STRN: variants seen among roughly 807,000 people sequenced by gnomAD.
STRN encodes striatin.
Under a neutral mutation model 96.3 loss-of-function variants are expected in STRN, and 53 were observed. The observed-to-expected ratio is 0.55, with a 90% CI of 0.44 to 0.69. The LOEUF is 0.69. STRN is among the 30% of genes least tolerant of loss of function. The pLI is 0.00. For synonymous variants in STRN, 428 were observed against 355.9 expected (o/e 1.20, Z -2.28); for missense variants, 987 against 963.9 (o/e 1.02, Z -0.32).
At chr2:36,948,338 G>A (rs997315893) in intron 1 of STRN, among the ~76,000 whole-genome samples, 2 of 151,890 alleles carry the variant, frequency 1.3e-5, no homozygotes, top group Non-Finnish European at 1.5e-5. Flanking sequence ...GACCTCAGGT[G>A]ATCCGCCCGC....
At chr2:36,904,305 C>T (rs1168558397) in intron 4 of STRN, among the ~76,000 whole-genome samples, 1 of 152,144 alleles carries the variant, frequency 6.6e-6, no homozygotes, top group African/African-American at 2.4e-5. Flanking sequence ...AAAGTAATAG[C>T]TGCTATACAT....
Position 36,847,724 on chromosome 2 carries a change from G to A in STRN, c.*1732C>T, listed in dbSNP as rs1399773633. 2 of 152,104 alleles carry A rather than the reference G, an allele frequency of 1.3e-5. No homozygotes were observed. Among genetic ancestry groups the A allele is most frequent in the Non-Finnish European group, 2.9e-5 (2 of 68,024 alleles). The allele number at this position is 152,104 out of a possible 1,614,324, so 9.4% of individuals were successfully genotyped here. ...GCCTGTATAATGCAGAATTCTAGAG[G>A]CAAACAGGCAGAAATTTTACAGAAA... On this transcript the variant is annotated 3_prime_UTR_variant, in exon 18 of 18. Transcript: ENST00000263918.
At chr2:36,904,725 G>A (rs1388643215) in intron 4 of STRN, among the ~76,000 whole-genome samples, 1 of 152,124 alleles carries the variant, frequency 6.6e-6, no homozygotes. Flanking sequence ...CTACCCGGGA[G>A]GCTGACGCAA....
intron 1 of STRN, among the ~76,000 whole-genome samples, chr2:36,961,058 A>T (rs1665017772): frequency 6.8e-6 from 1 of 146,432 alleles, no homozygotes. Context: ...CAACGCACCC[A>T]GCTAACTTTG....
At chr2:36,886,912 A>G (rs1179933671) in intron 7 of STRN, 86 bp from the exon 8 acceptor site, 10 of 1,025,774 alleles carry the variant, frequency 9.7e-6, no homozygotes, top group Non-Finnish European at 1.3e-5. Flanking sequence ...CGTAACAACC[A>G]CTTTCTTTAT....
chr2:36,966,415 C>T lies in STRN; in HGVS notation c.49G>A (p.Gly17Ser). 1 of 1,461,838 alleles carries T rather than the reference C, an allele frequency of 6.8e-7. No individual in the cohort carries two copies. Among genetic ancestry groups the T allele is most frequent in the Non-Finnish European group, 9.0e-7 (1 of 1,107,862 alleles). The allele number at this position is 1,461,838 out of a possible 1,614,324, so 90.6% of individuals were successfully genotyped here. A position where few individuals can be genotyped will look rare whatever the true frequency, so the allele number is the denominator to read the frequency against. The change falls in exon 1 of 18, where the codon GGC becomes AGC. Residue 17 changes from glycine (G) to serine (S), a missense_variant. Gly to Ser is a moderately conservative substitution (Grantham distance 56). Coordinates refer to ENST00000263918, the MANE Select transcript of STRN (RefSeq NM_003162.4). ...CCGAGCCCCTTGGCACCGCCGGCGC[C>T]CGGGTGGTTGTTGCTGAAGAAGACG... ...PGVFFSNNHP[G>S]AGGAKGLGPL...
intron 1 of STRN, among the ~76,000 whole-genome samples, chr2:36,948,986 A>G (rs1353975375): frequency 6.6e-6 from 1 of 152,250 alleles, no homozygotes; most frequent in Non-Finnish European, 1.5e-5. Flanking sequence ...GCATGTGTTG[A>G]ACAATGACAC....
intron 3 of STRN, among the ~76,000 whole-genome samples, chr2:36,914,561 C>T (rs899873999): frequency 3.3e-5 from 5 of 152,176 alleles, no homozygotes; most frequent in African/African-American, 1.2e-4. Context: ...CACTGATCAA[C>T]TGGCATTGCT....
chr2:36,945,031 C>T (rs999263795), intron 1 of STRN, among the ~76,000 whole-genome samples: 10 of 152,014 alleles, frequency 6.6e-5, no homozygotes, highest in African/African-American at 2.4e-4. Flanking sequence ...AACAAACCAG[C>T]AATTCCAATA....
intron 1 of STRN, among the ~76,000 whole-genome samples, chr2:36,930,403 G>A (rs559809809): frequency 6.7e-6 from 1 of 149,854 alleles, no homozygotes; most frequent in Admixed American, 6.7e-5. Flanking sequence ...CTGCACTCCA[G>A]AATGGGCAAC....
At chr2:36,867,930 A>G in intron 11 of STRN, 69 bp from the exon 12 acceptor site, 1 of 1,265,020 alleles carries the variant, frequency 7.9e-7, no homozygotes, top group Non-Finnish European at 1.1e-6. Flanking sequence ...ATATGTCATA[A>G]AATTGTCTTT....
At chr2:36,859,791 T>C (rs1287321654) in intron 13 of STRN, among the ~76,000 whole-genome samples, 1 of 152,220 alleles carries the variant, frequency 6.6e-6, no homozygotes, top group African/African-American at 2.4e-5. Context: ...TCAAAAAGGA[T>C]GGAGTTGTTA....
At chr2:36,948,079 CTCTTTTTTTTTTTTTTTTTT>C (rs1664642239) in intron 1 of STRN, among the ~76,000 whole-genome samples, 1 of 103,168 alleles carries the variant, frequency 9.7e-6, no homozygotes, top group African/African-American at 4.1e-5. Flanking sequence ...TATCAGTGCA[CTCTTTTTTTTTTTTTTTTTT>C]TTTTTTTTTT....
intron 10 of STRN, among the ~76,000 whole-genome samples, chr2:36,874,270 A>T (rs1416645192): frequency 1.3e-5 from 2 of 152,086 alleles, no homozygotes; most frequent in Non-Finnish European, 2.9e-5. Flanking sequence ...TCTCAAAAAA[A>T]AAAAAAAGAG....
chr2:36,932,106 C>G (rs537111183), intron 1 of STRN, among the ~76,000 whole-genome samples: 2 of 152,106 alleles, frequency 1.3e-5, no homozygotes, highest in Admixed American at 1.3e-4. Flanking sequence ...ATGCATAAGC[C>G]ACTGCACCAA....
At chr2:36,867,374 C>CA (rs970382446) in intron 12 of STRN, 250 of 137,282 alleles carry the variant, frequency 1.8e-3, no homozygotes, top group South Asian at 3.7e-3. Context: ...GACCCCGTCT[C>CA]AAAAAAAAAA....
At chr2:36,956,246 A>G (rs1664884806) in intron 1 of STRN, among the ~76,000 whole-genome samples, 1 of 152,218 alleles carries the variant, frequency 6.6e-6, no homozygotes, top group Admixed American at 6.5e-5. Flanking sequence ...CCAACAAAAA[A>G]GCAAACCACT....
chr2:36,902,947 C>A, intron 4 of STRN, 196 bp from the exon 5 acceptor site: 1 of 366,874 alleles, frequency 2.7e-6, no homozygotes, highest in Non-Finnish European at 4.8e-6. Flanking sequence ...CCTCTACAGT[C>A]ACTGAGAAAA....
At chr2:36,885,203 A>G (rs1669187850) in intron 8 of STRN, among the ~76,000 whole-genome samples, 1 of 152,190 alleles carries the variant, frequency 6.6e-6, no homozygotes, top group African/African-American at 2.4e-5. Flanking sequence ...ATATTTGACA[A>G]GAACTGAATA....
Sources: allele counts gnomAD v4.1 joint callset (sites outside exome capture counted in the v4.1 genomes callset), GRCh38; gene constraint gnomAD v4.1.1; transcripts MANE v1.5; gene names NCBI Gene and HGNC (gene_info 2026-07-23, HGNC 2026-07-21).